The following KLHL29 variants were observed in gnomAD, a reference collection of about 807,000 sequenced individuals.
The protein encoded by KLHL29 is kelch like family member 29.
Under a neutral mutation model 80.4 loss-of-function variants are expected in KLHL29, and 21 were observed. The ratio of observed to expected loss-of-function variants is 0.26; its 90% CI spans 0.19 to 0.38. The LOEUF (loss-of-function observed/expected upper bound fraction) is 0.38. Among genes scored for constraint, KLHL29 ranks in the 10% least tolerant of loss-of-function variants. The pLI is 1.00. For synonymous variants in KLHL29, 511 were observed against 526.8 expected, an observed-to-expected ratio of 0.97 and a Z score of 0.41; for missense variants, 867 against 1,223.9, an observed-to-expected ratio of 0.71 and a Z score of 4.35.
At chr2:23,597,309 A>G (rs61348514) in intron 3 of KLHL29, among the ~76,000 whole-genome samples, 27,994 of 99,696 alleles carry the variant, frequency 0.28, 5,071 homozygotes, top group East Asian at 0.84. Context: ...ATATATATAT[A>G]TGTGTGTGTG....
At position 23,684,300 on chromosome 2, in the gene KLHL29, T is replaced by A; in HGVS notation, c.941-99T>A. On this transcript the variant is annotated intron_variant, in intron 5 of 13. Coordinates refer to ENST00000486442, the MANE Select transcript of KLHL29 (RefSeq NM_052920.2). This position sits in a 1 kb window ranked among gnomAD's most constrained non-coding sequence, Gnocchi z 4.4. ...AAGAAACAATATCAAGTATTTCCTA[T>A]TTCTCTACTTCTTGAAAAAAGAAAA... 1.1e-6 allele frequency: 1 copy of A among 902,724 alleles called. No homozygotes were observed. Among genetic ancestry groups the A allele is most frequent in the South Asian group, 3.4e-5 (1 of 29,300 alleles). The allele number at this position is 902,724 out of a possible 1,614,324, so 55.9% of individuals were successfully genotyped here.
chr2:23,696,182 G>A lies in KLHL29; in HGVS notation c.1924+49G>A. On this transcript the variant is annotated intron_variant, in intron 10 of 13. Transcript: ENST00000486442. The surrounding 1 kb of genome is among the most constrained non-coding windows in gnomAD (Gnocchi z 5.5). ...GGGACCAGGCATGGGGGTCCCAAGG[G>A]GACTGCTCCCCACGTCAGGGCTGAG... 6.6e-7 allele frequency: 1 copy of A among 1,526,490 alleles called. No homozygotes were observed. Among genetic ancestry groups the A allele is most frequent in the South Asian group, 1.2e-5 (1 of 81,430 alleles). The allele number at this position is 1,526,490 out of a possible 1,614,324, so 94.6% of individuals were successfully genotyped here. A position where few individuals can be genotyped will look rare whatever the true frequency, so the allele number is the denominator to read the frequency against.
At chr2:23,483,922 A>G (rs1664862289) in intron 2 of KLHL29, among the ~76,000 whole-genome samples, 1 of 152,072 alleles carries the variant, frequency 6.6e-6, no homozygotes, top group Non-Finnish European at 1.5e-5. Context: ...TATCAATCAC[A>G]TGCCTGCCTG....
chr2:23,461,771 G>A (rs1259111092), intron 1 of KLHL29, among the ~76,000 whole-genome samples: 4 of 151,940 alleles, frequency 2.6e-5, no homozygotes, highest in Non-Finnish European at 4.4e-5. Flanking sequence ...AAAATTTAAA[G>A]TAGATCTCAG....
At chr2:23,401,750 C>T (rs745875570) in intron 1 of KLHL29, among the ~76,000 whole-genome samples, 4 of 152,172 alleles carry the variant, frequency 2.6e-5, no homozygotes, top group African/African-American at 4.8e-5. Flanking sequence ...AGCCTCTGTC[C>T]GGCTGGACTG....
At chr2:23,544,084 C>G (rs185415816) in intron 2 of KLHL29, among the ~76,000 whole-genome samples, 61 of 152,288 alleles carry the variant, frequency 4.0e-4, no homozygotes, top group Non-Finnish European at 6.2e-4. Flanking sequence ...TTTGACATAA[C>G]CTGACTGATG....
At chr2:23,465,029 A>C (rs1664308608) in intron 1 of KLHL29, among the ~76,000 whole-genome samples, 1 of 152,166 alleles carries the variant, frequency 6.6e-6, no homozygotes, top group African/African-American at 2.4e-5. Flanking sequence ...AGATCGCTTA[A>C]TTTGCTTCTC....
chr2:23,569,177 A>G (rs573368504), intron 3 of KLHL29, among the ~76,000 whole-genome samples: 32 of 152,364 alleles, frequency 2.1e-4, no homozygotes, highest in African/African-American at 7.2e-4. Context: ...CACCCCAAGG[A>G]GGCCACCTTC....
intron 2 of KLHL29, among the ~76,000 whole-genome samples, chr2:23,508,768 T>C (rs1665683268): frequency 6.6e-6 from 1 of 152,204 alleles, no homozygotes; most frequent in African/African-American, 2.4e-5. Flanking sequence ...GTGGACTCAA[T>C]ACAGGCAATT....
intron 2 of KLHL29, among the ~76,000 whole-genome samples, chr2:23,491,356 G>A (rs761306505): frequency 3.9e-5 from 6 of 152,148 alleles, no homozygotes; most frequent in Admixed American, 1.3e-4. Flanking sequence ...GGACCTGCGC[G>A]AATGTGGTCT....
intron 1 of KLHL29, among the ~76,000 whole-genome samples, chr2:23,413,331 G>C (rs1339194759): frequency 1.3e-5 from 2 of 152,102 alleles, no homozygotes; most frequent in Non-Finnish European, 2.9e-5. Flanking sequence ...TTTCCATCCT[G>C]ACTGCCCACA....
intron 2 of KLHL29, chr2:23,524,073 T>C (rs1362618457): frequency 4.2e-6 from 2 of 471,180 alleles, no homozygotes; most frequent in African/African-American, 4.0e-5. Context: ...CTTCCCCATC[T>C]AGGGTTTTTT....
rs536312687 is a variant in KLHL29, at chr2:23,696,265, G to GCTGGGC, written c.1925-64_1925-59dup. On this transcript the variant is annotated intron_variant, in intron 10 of 13. Transcript: ENST00000486442. This position sits in a 1 kb window ranked among gnomAD's most constrained non-coding sequence, Gnocchi z 5.5. ...GGTGAAGCCTTCCTCTGCCCCTGGG[G>GCTGGGC]CTGGGCCTGCTGACCCCAGGCCCCT... 834 of 1,505,538 alleles carry GCTGGGC rather than the reference G, an allele frequency of 5.5e-4. 3 individuals carry two copies. The African/African-American group carries it at 0.011, about 19-fold the overall frequency. The allele number at this position is 1,505,538 out of a possible 1,614,324, so 93.3% of individuals were successfully genotyped here.
At chr2:23,594,665 C>A (rs1173222616) in intron 3 of KLHL29, among the ~76,000 whole-genome samples, 1 of 152,172 alleles carries the variant, frequency 6.6e-6, no homozygotes, top group Non-Finnish European at 1.5e-5. Context: ...CCTCCAGGCT[C>A]CACAAAGCAT....
Position 23,562,392 on chromosome 2 carries a change from C to A in KLHL29, c.196C>A (p.Pro66Thr), listed in dbSNP as rs1407311862. The change falls in exon 3 of 14, where the codon CCG becomes ACG. Residue 66 changes from proline (P) to threonine (T), a missense_variant. By Grantham distance (38) the Pro-to-Thr change is conservative. Around this residue, in one of 2 missense-constraint regions of KLHL29, gnomAD observed 424 missense variants for 456.9 expected, o/e 0.93. Coordinates refer to ENST00000486442, the MANE Select transcript of KLHL29 (RefSeq NM_052920.2). This position sits in a 1 kb window ranked among gnomAD's most constrained non-coding sequence, Gnocchi z 4.5. ...CGTGGTGCCCTCCCGGCTGCCCACC[C>A]CGGCTACAGCTCCTGCTCCCTGCAC... ...LPVVPSRLPT[P>T]ATAPAPCTTG... The A allele has an allele frequency of 6.5e-7, 1 of 1,539,000 alleles. No individual in the cohort carries two copies. The highest frequency in any genetic ancestry group is 1.2e-5 in the South Asian group (1 of 83,972).
In KLHL29 at chr2:23,457,630, T is replaced by A. The variant is rs75444951; in HGVS notation, c.-153-17930T>A. Among the ~76,000 whole-genome samples the A allele has an allele frequency of 0.021, 3,129 of 152,172 alleles. 38 individuals carry two copies. The highest frequency in any genetic ancestry group is 0.061 in the Middle Eastern group (18 of 294). ...TGGTGCTGGATGGCCAACAATAAAT[T>A]CCCAGGCTCTGAAGCACCAGGAACA... is the stretch of plus-strand genomic sequence containing the variant. On this transcript the variant is annotated intron_variant, in intron 1 of 13. Coordinates refer to ENST00000486442, the MANE Select transcript of KLHL29 (RefSeq NM_052920.2). This position sits in a 1 kb window ranked among gnomAD's most constrained non-coding sequence, Gnocchi z 4.3.
intron 2 of KLHL29, among the ~76,000 whole-genome samples, chr2:23,497,117 C>T (rs1056449102): frequency 1.3e-5 from 2 of 152,088 alleles, no homozygotes; most frequent in African/African-American, 4.8e-5. Flanking sequence ...TCATAGCCAC[C>T]TTTACCAGGC....
chr2:23,524,880 C>G (rs1421971581), intron 2 of KLHL29, among the ~76,000 whole-genome samples: 1 of 152,152 alleles, frequency 6.6e-6, no homozygotes, highest in Admixed American at 6.5e-5. Flanking sequence ...GGGAGGGAGG[C>G]CATTTCTATT....
At chr2:23,597,383 G>GTATA (rs1558402790) in intron 3 of KLHL29, among the ~76,000 whole-genome samples, 36 of 23,576 alleles carry the variant, frequency 1.5e-3, no homozygotes, top group Non-Finnish European at 2.5e-3. Context: ...GTGTGTGTGT[G>GTATA]TATATATATA....
Sources: gnomAD v4.1 joint callset for allele counts (sites outside exome capture counted in the v4.1 genomes callset) on GRCh38, gnomAD v4.1.1 for gene constraint, gnomAD v4.1.1 regional missense constraint, Gnocchi (gnomAD v3.1) non-coding constraint, MANE v1.5 for transcripts, NCBI Gene and HGNC (gene_info 2026-07-23, HGNC 2026-07-21) for gene names.